RAB3GAP1: variants seen among roughly 807,000 people sequenced by gnomAD.
The protein encoded by RAB3GAP1 is RAB3 GTPase activating protein catalytic subunit 1.
A neutral mutation model predicts 130.7 loss-of-function variants in RAB3GAP1; 86 were observed. The observed-to-expected ratio is 0.66, with a 90% CI of 0.55 to 0.79. The LOEUF (loss-of-function observed/expected upper bound fraction) is 0.79, where lower values mean the gene tolerates loss of function less well. RAB3GAP1 is among the 30% of genes least tolerant of loss of function. The probability of loss-of-function intolerance (pLI) is 0.00; values close to 1 mark genes in which losing one functional copy is unlikely to be tolerated. For missense variants in RAB3GAP1, 1,029 were observed against 1,169.4 expected, an observed-to-expected ratio of 0.88 and a Z score of 1.75; for synonymous variants, 367 against 401.7, an observed-to-expected ratio of 0.91 and a Z score of 1.03.
chr2:135,073,424 C>A (rs1289772640), intron 3 of RAB3GAP1, among the ~76,000 whole-genome samples: 2 of 152,192 alleles, frequency 1.3e-5, no homozygotes, highest in African/African-American at 4.8e-5. Flanking sequence ...AGCAGAGAGA[C>A]CCCTCAGCTC....
rs371605049 is a variant in RAB3GAP1, at chr2:135,052,521, G to A, written c.74+36G>A. 1.3e-5 allele frequency: 21 copies of A among 1,611,568 alleles called. No homozygotes were observed. The Admixed American group carries it at 3.3e-4, about 26-fold the overall frequency. ...CGCATTTTTGGTTACCAGCTCCCAT[G>A]GGCCCTGGCGTCCCCTAGCCGCTTC... On this transcript the variant is annotated intron_variant, in intron 2 of 23. Coordinates refer to ENST00000264158, the MANE Select transcript of RAB3GAP1 (RefSeq NM_012233.3).
intron 7 of RAB3GAP1, among the ~76,000 whole-genome samples, chr2:135,116,858 T>C (rs192956013): frequency 2.7e-4 from 41 of 152,270 alleles, no homozygotes; most frequent in Non-Finnish European, 4.0e-4. Context: ...TTTCTGAAGG[T>C]TTGAGAATTT....
At chr2:135,156,163 T>A (rs553976575) in intron 19 of RAB3GAP1, among the ~76,000 whole-genome samples, 168 of 152,110 alleles carry the variant, frequency 1.1e-3, no homozygotes, top group Admixed American at 2.7e-3. Context: ...ACAGAAAGTA[T>A]AAACAGACAA....
At chr2:135,072,082 T>C (rs1443574179) in intron 3 of RAB3GAP1, among the ~76,000 whole-genome samples, 1 of 152,170 alleles carries the variant, frequency 6.6e-6, no homozygotes, top group Non-Finnish European at 1.5e-5. Context: ...CTGGCTACTT[T>C]GTTGTATTAG....
At chr2:135,098,365 C>A (rs1221069827) in intron 5 of RAB3GAP1, among the ~76,000 whole-genome samples, 1 of 152,036 alleles carries the variant, frequency 6.6e-6, no homozygotes, top group African/African-American at 2.4e-5. Context: ...AAGACTGTAA[C>A]TTATCTTTTA....
At chr2:135,134,958 G>A (rs1420220967) in intron 15 of RAB3GAP1, among the ~76,000 whole-genome samples, 1 of 152,164 alleles carries the variant, frequency 6.6e-6, no homozygotes, top group East Asian at 1.9e-4. Context: ...AGTACTTCCT[G>A]GAGTGGGTTC....
chr2:135,115,084 C>T (rs1453757447), intron 6 of RAB3GAP1, 132 bp from the exon 7 acceptor site: 2 of 780,954 alleles, frequency 2.6e-6, no homozygotes, highest in Admixed American at 5.1e-5. Context: ...TACACACAAA[C>T]CTGTGTTTTT....
intron 5 of RAB3GAP1, among the ~76,000 whole-genome samples, chr2:135,106,461 A>T (rs1222278212): frequency 1.3e-5 from 2 of 152,250 alleles, no homozygotes; most frequent in East Asian, 3.9e-4. Context: ...CTTACCCCCA[A>T]CCCGTGCTCT....
At chr2:135,062,182 G>A (rs1689193990) in intron 3 of RAB3GAP1, among the ~76,000 whole-genome samples, 1 of 152,156 alleles carries the variant, frequency 6.6e-6, no homozygotes, top group Non-Finnish European at 1.5e-5. Flanking sequence ...CCAAAGTGCT[G>A]GGATTACGGG....
intron 3 of RAB3GAP1, among the ~76,000 whole-genome samples, chr2:135,074,253 T>G (rs1201977878): frequency 6.6e-6 from 1 of 152,090 alleles, no homozygotes; most frequent in Non-Finnish European, 1.5e-5. Context: ...CCCCAAAATG[T>G]GTATAGGTTT....
chr2:135,106,776 T>A (rs1399119380), intron 5 of RAB3GAP1, among the ~76,000 whole-genome samples: 991 of 76,498 alleles, frequency 0.013, no homozygotes, highest in African/African-American at 0.018. Context: ...AATAAAAAAA[T>A]AAAAAAGTAA....
At chr2:135,107,017 A>G (rs1690647850) in intron 5 of RAB3GAP1, among the ~76,000 whole-genome samples, 2 of 151,736 alleles carry the variant, frequency 1.3e-5, no homozygotes, top group South Asian at 2.1e-4. Flanking sequence ...CATGTACTAG[A>G]GAACAATACC....
At chr2:135,117,663 GCTT>G (rs1553445303) in intron 7 of RAB3GAP1, among the ~76,000 whole-genome samples, 1 of 39,854 alleles carries the variant, frequency 2.5e-5, no homozygotes, top group African/African-American at 5.2e-5. Flanking sequence ...TGCTTCTTCT[GCTT>G]CTGCTTCTTC....
intron 3 of RAB3GAP1, among the ~76,000 whole-genome samples, chr2:135,082,701 A>T (rs905881226): frequency 6.6e-5 from 10 of 152,026 alleles, no homozygotes; most frequent in Non-Finnish European, 1.5e-5. Flanking sequence ...TCGGCCTCCC[A>T]AAGTGCTGGA....
chr2:135,089,886 T>G (rs898164005), intron 3 of RAB3GAP1: 2 of 374,820 alleles, frequency 5.3e-6, no homozygotes, highest in Non-Finnish European at 1.1e-5. Flanking sequence ...AGTTGAACAG[T>G]GAGAACACGT....
intron 15 of RAB3GAP1, among the ~76,000 whole-genome samples, chr2:135,134,998 TA>T (rs903515541): frequency 1.4e-4 from 22 of 152,340 alleles, no homozygotes; most frequent in Admixed American, 8.5e-4. Context: ...GAGTTTTTGT[TA>T]GCCTGAAAAC....
chr2:135,169,570 G>A lies in RAB3GAP1; in HGVS notation c.*789G>A. On this transcript the variant is annotated 3_prime_UTR_variant, in exon 24 of 24. Coordinates refer to ENST00000264158, the MANE Select transcript of RAB3GAP1 (RefSeq NM_012233.3). ...GCTGTACAGCATGCGTTCTCTTTTT[G>A]TGGTTGCTGGCTGGGTACTGTATTT... 4.0e-6 allele frequency: 1 copy of A among 247,316 alleles called. No homozygotes were observed. The highest frequency in any genetic ancestry group is 1.3e-4 in the East Asian group (1 of 8,000). 15.3% of individuals were successfully genotyped at this position (247,316 alleles called of 1,614,324 possible).
At chr2:135,111,794 T>G (rs1201419148) in intron 5 of RAB3GAP1, among the ~76,000 whole-genome samples, 1 of 152,226 alleles carries the variant, frequency 6.6e-6, no homozygotes, top group African/African-American at 2.4e-5. Flanking sequence ...ATCAGATTTC[T>G]TTATACTTAA....
chr2:135,091,040 A>G lies in RAB3GAP1; in HGVS notation c.193A>G (p.Ile65Val). 1.2e-6 allele frequency: 2 copies of G among 1,612,434 alleles called. No homozygotes were observed. The highest frequency in any genetic ancestry group is 1.7e-6 in the Non-Finnish European group (2 of 1,178,722). ...CACATGGGAAGAGAAATCAGATGAA[A>G]TTTCCTTTGCTGACTTCAAGTTCTC... is the stretch of plus-strand genomic sequence containing the variant. ...SGTWEEKSDE[I>V]SFADFKFSVT... The change falls in exon 4 of 24, where the codon ATT (isoleucine) becomes GTT (valine). Residue 65 changes from isoleucine (I) to valine (V), a missense_variant. By Grantham distance (29) the Ile-to-Val change is conservative. Transcript: ENST00000264158.
Sources: gnomAD v4.1 joint callset for allele counts (sites outside exome capture counted in the v4.1 genomes callset) on GRCh38, gnomAD v4.1.1 for gene constraint, MANE v1.5 for transcripts, NCBI Gene and HGNC (gene_info 2026-07-23, HGNC 2026-07-21) for gene names.